BLTP1: variants seen among roughly 807,000 people sequenced by gnomAD.
The protein encoded by BLTP1 is fragile site-associated protein.
At chr4:122,193,650 A>G in the BLTP1 span, 1 of 823,590 alleles carries the variant, frequency 1.2e-6, no homozygotes, top group Non-Finnish European at 1.5e-6. Flanking sequence ...ACATTTCTTA[A>G]AATTAGTTAA....
At chr4:122,220,128 G>A in the BLTP1 span, among the ~76,000 whole-genome samples, 5 of 152,198 alleles carry the variant, frequency 3.3e-5, no homozygotes, top group African/African-American at 1.2e-4. Flanking sequence ...TTGCAGTGGG[G>A]TGGTGGGGCC....
At chr4:122,324,253 T>C in the BLTP1 span, 1 of 248,698 alleles carries the variant, frequency 4.0e-6, no homozygotes, top group Non-Finnish European at 6.4e-6. Context: ...TCCTAATTGG[T>C]GTTAGAACCA....
the BLTP1 span, among the ~76,000 whole-genome samples, chr4:122,161,465 C>G: frequency 6.8e-6 from 1 of 147,878 alleles, no homozygotes; most frequent in Non-Finnish European, 1.5e-5. Flanking sequence ...GGGTCTTGCT[C>G]TGTCACCCAG....
chr4:122,254,047 C>T, the BLTP1 span: 1 of 672,276 alleles, frequency 1.5e-6, no homozygotes, highest in Non-Finnish European at 2.4e-6. Context: ...GTATATCTGG[C>T]AAAAATATCC....
At chr4:122,209,754 G>T in the BLTP1 span, 1 of 1,560,562 alleles carries the variant, frequency 6.4e-7, no homozygotes, top group South Asian at 1.2e-5. Flanking sequence ...ATCTGCAACT[G>T]GTATCTCTGT....
the BLTP1 span, chr4:122,202,704 T>A: frequency 6.1e-6 from 1 of 164,596 alleles, no homozygotes; most frequent in Non-Finnish European, 1.3e-5. Context: ...ATAGCTGCAG[T>A]AGACATATAC....
the BLTP1 span, chr4:122,183,254 T>G: frequency 2.1e-6 from 1 of 471,564 alleles, no homozygotes; most frequent in African/African-American, 2.1e-5. Flanking sequence ...GAGGATCACT[T>G]GAGCCATGGA....
chr4:122,289,480 C>T, the BLTP1 span: 3 of 981,900 alleles, frequency 3.1e-6, no homozygotes, highest in Non-Finnish European at 2.4e-6. Context: ...CCAAATTAAT[C>T]ATACTCATTT....
the BLTP1 span, chr4:122,318,219 G>C: frequency 3.1e-6 from 5 of 1,612,090 alleles, no homozygotes; most frequent in Non-Finnish European, 4.2e-6. Flanking sequence ...CTGTGGCTGT[G>C]AATGACATTA....
the BLTP1 span, among the ~76,000 whole-genome samples, chr4:122,240,626 A>G: frequency 0.028 from 4,320 of 152,074 alleles, 137 homozygotes; most frequent in African/African-American, 0.08. Flanking sequence ...ATTAGGATCA[A>G]CTCTCTCTGA....
At chr4:122,342,036 C>T in the BLTP1 span, among the ~76,000 whole-genome samples, 1 of 152,174 alleles carries the variant, frequency 6.6e-6, no homozygotes, top group Non-Finnish European at 1.5e-5. Flanking sequence ...AGAGCCAACT[C>T]ATGTGGGAAA....
chr4:122,312,776 C>A, the BLTP1 span: 1 of 758,284 alleles, frequency 1.3e-6, no homozygotes, highest in Non-Finnish European at 1.6e-6. Context: ...AATGTAATAC[C>A]AAATTACCTA....
At chr4:122,234,636 C>A in the BLTP1 span, 1 of 994,860 alleles carries the variant, frequency 1.0e-6, no homozygotes, top group Non-Finnish European at 1.4e-6. Context: ...TGGGAATAAA[C>A]CTTTGTGTTT....
At chr4:122,183,165 G>A in the BLTP1 span, 6 of 456,012 alleles carry the variant, frequency 1.3e-5, no homozygotes, top group Non-Finnish European at 1.4e-5. Flanking sequence ...GTGAAACCCT[G>A]TTTCTACAAA....
At chr4:122,263,201 C>T in the BLTP1 span, 1 of 985,062 alleles carries the variant, frequency 1.0e-6, no homozygotes, top group Non-Finnish European at 1.2e-6. Context: ...TGACGAATGT[C>T]AATGTAGGCA....
chr4:122,169,587 A>C, the BLTP1 span: 11 of 940,482 alleles, frequency 1.2e-5, no homozygotes, highest in Non-Finnish European at 1.4e-5. Context: ...TGTTTCTTGG[A>C]TCATAAAATA....
At chr4:122,361,889 T>C in the BLTP1 span, 2 of 867,544 alleles carry the variant, frequency 2.3e-6, no homozygotes, top group Non-Finnish European at 3.4e-6. Flanking sequence ...CCAGGAATTA[T>C]GGGCTCATTT....
the BLTP1 span, among the ~76,000 whole-genome samples, chr4:122,297,528 A>G: frequency 6.6e-6 from 1 of 152,310 alleles, no homozygotes; most frequent in South Asian, 2.1e-4. Context: ...AAGCAAAAAT[A>G]CCATTTTGCC....
the BLTP1 span, chr4:122,249,175 G>A: frequency 1.6e-6 from 1 of 638,406 alleles, no homozygotes; most frequent in Non-Finnish European, 1.9e-6. Context: ...GATGATGAAA[G>A]TATTTAAAAC....
Sources: allele counts gnomAD v4.1 joint callset (sites outside exome capture counted in the v4.1 genomes callset), GRCh38; gene constraint gnomAD v4.1.1; transcripts MANE v1.5; gene names NCBI Gene and HGNC (gene_info 2026-07-23, HGNC 2026-07-21).